Variants in SEM1 observed in about 807,000 individuals in gnomAD.
The protein encoded by SEM1 is SEM1 26S proteasome subunit, also known as 26S proteasome complex subunit SEM1.
SEM1 carries 3 observed loss-of-function variants against 12.7 expected under a neutral mutation model. The observed-to-expected ratio is 0.24, with a 90% CI of 0.11 to 0.61. The LOEUF (loss-of-function observed/expected upper bound fraction) is 0.61, where lower values mean the gene tolerates loss of function less well. Ranked by LOEUF, SEM1 falls within the 20% of genes least tolerant of loss-of-function variation. The pLI, the probability that SEM1 is intolerant of heterozygous loss-of-function variation, is 0.88. For synonymous variants in SEM1, 30 were observed against 27.8 expected (o/e 1.08, Z -0.25); for missense variants, 59 against 81.3 (o/e 0.73, Z 1.06).
chr7:96,589,150 T>G (rs1367910837), intron 2 of SEM1, among the ~76,000 whole-genome samples: 1 of 152,156 alleles, frequency 6.6e-6, no homozygotes, highest in Non-Finnish European at 1.5e-5. Flanking sequence ...GTTGACCTGG[T>G]CTCTCAGCTC....
At chr7:96,671,258 A>G (rs562297902), downstream of SEM1, among the ~76,000 whole-genome samples, 1 of 152,304 alleles carries the variant, frequency 6.6e-6, no homozygotes, top group Admixed American at 6.5e-5. Flanking sequence ...CAGCTGCATT[A>G]TGGGGTTTAA....
chr7:96,573,692 C>A (rs1274397696), intron 2 of SEM1, among the ~76,000 whole-genome samples: 1 of 152,092 alleles, frequency 6.6e-6, no homozygotes, highest in Non-Finnish European at 1.5e-5. Flanking sequence ...TCTGGCTGCC[C>A]TTAACATTTT....
chr7:96,597,590 AT>A (rs1807043459), intron 2 of SEM1, among the ~76,000 whole-genome samples: 2 of 151,790 alleles, frequency 1.3e-5, no homozygotes, highest in Non-Finnish European at 2.9e-5. Context: ...TCAGCTTGCA[AT>A]TTTTTTGGAC....
At chr7:96,635,241 G>A (rs562718722) in intron 2 of SEM1, among the ~76,000 whole-genome samples, 9 of 152,082 alleles carry the variant, frequency 5.9e-5, no homozygotes, top group Non-Finnish European at 1.0e-4. Context: ...AGACCAGGAT[G>A]GGGGTGGGTG....
intron 2 of SEM1, among the ~76,000 whole-genome samples, chr7:96,551,955 GC>G (rs1805292390): frequency 6.6e-6 from 1 of 152,048 alleles, no homozygotes; most frequent in Admixed American, 6.5e-5. Flanking sequence ...GTTGTTTTAC[GC>G]CACCTAATAT....
intron 2 of SEM1, among the ~76,000 whole-genome samples, chr7:96,485,536 C>CTTTTTTTTTTT (rs61088450): frequency 7.8e-5 from 6 of 76,704 alleles, no homozygotes; most frequent in Non-Finnish European, 1.2e-4. Context: ...TCTCTACATT[C>CTTTTTTTTTTT]TTTTTTTTTT....
At chr7:96,659,653 TG>T (rs1256874019) in intron 2 of SEM1, among the ~76,000 whole-genome samples, 1 of 151,856 alleles carries the variant, frequency 6.6e-6, no homozygotes, top group African/African-American at 2.4e-5. Context: ...GAAGAAAGAC[TG>T]ATTAGAATTA....
At chr7:96,496,865 A>T (rs1228960156), upstream of SEM1, among the ~76,000 whole-genome samples, 1 of 152,102 alleles carries the variant, frequency 6.6e-6, no homozygotes, top group Non-Finnish European at 1.5e-5. Flanking sequence ...TCATGGGTTT[A>T]TAATTCTCAG....
intron 2 of SEM1, among the ~76,000 whole-genome samples, chr7:96,646,734 A>G (rs73708376): frequency 0.025 from 3,867 of 152,272 alleles, 189 homozygotes; most frequent in African/African-American, 0.088. Context: ...CAATGGTGAT[A>G]TATACTTGAG....
intron 2 of SEM1, among the ~76,000 whole-genome samples, chr7:96,519,107 T>C (rs1271223807): frequency 6.6e-6 from 1 of 152,132 alleles, no homozygotes; most frequent in African/African-American, 2.4e-5. Flanking sequence ...ATATGAAAAC[T>C]GGCACCTAGA....
intron 2 of SEM1, among the ~76,000 whole-genome samples, chr7:96,529,228 A>T (rs771423241): frequency 6.6e-6 from 1 of 152,146 alleles, no homozygotes; most frequent in South Asian, 2.1e-4. Context: ...AGACAAAAGA[A>T]AAAAGAAAGG....
chr7:96,677,442 T>C (rs1789480477), intron 2 of SEM1, among the ~76,000 whole-genome samples: 1 of 152,214 alleles, frequency 6.6e-6, no homozygotes, highest in African/African-American at 2.4e-5. Context: ...TCACATATGA[T>C]AAATAATTAC....
chr7:96,676,112 C>G (rs969720084), intron 2 of SEM1, among the ~76,000 whole-genome samples: 1 of 152,158 alleles, frequency 6.6e-6, no homozygotes, highest in Non-Finnish European at 1.5e-5. Flanking sequence ...ATTCATGAGG[C>G]TAAATTATCC....
At chr7:96,541,214 A>G (rs1804935037) in intron 2 of SEM1, among the ~76,000 whole-genome samples, 1 of 151,890 alleles carries the variant, frequency 6.6e-6, no homozygotes, top group Admixed American at 6.6e-5. Context: ...CCAATAGTAT[A>G]TAAGCATTTC....
At chr7:96,622,273 A>G (rs1383579699), downstream of SEM1, 2 of 233,312 alleles carry the variant, frequency 8.6e-6, no homozygotes, top group Non-Finnish European at 1.7e-5. Flanking sequence ...ACATGGAAAA[A>G]AAAAATAAAA....
chr7:96,568,550 A>G (rs1361807057), intron 2 of SEM1, among the ~76,000 whole-genome samples: 2 of 150,734 alleles, frequency 1.3e-5, no homozygotes, highest in Admixed American at 6.6e-5. Context: ...TGAATGTTTA[A>G]TTTGTTCTTG....
chr7:96,692,250 TATCA>T (rs1246579316), intron 2 of SEM1, among the ~76,000 whole-genome samples: 13 of 152,334 alleles, frequency 8.5e-5, no homozygotes, highest in Admixed American at 6.5e-5. Context: ...TTCAACAATG[TATCA>T]ATCAGTTTTA....
intron 2 of SEM1, among the ~76,000 whole-genome samples, chr7:96,629,682 C>T (rs190888734): frequency 6.6e-6 from 1 of 152,214 alleles, no homozygotes; most frequent in East Asian, 1.9e-4. Context: ...CCTGGATGGT[C>T]ATGACACTTG....
chr7:96,684,950 G>A (rs575617379), downstream of SEM1, among the ~76,000 whole-genome samples: 128 of 152,036 alleles, frequency 8.4e-4, no homozygotes, highest in Non-Finnish European at 1.5e-3. Context: ...GAGTGCAATA[G>A]GAGCCATTAA....
Sources: allele counts gnomAD v4.1 joint callset (sites outside exome capture counted in the v4.1 genomes callset), GRCh38; gene constraint gnomAD v4.1.1; transcripts MANE v1.5; gene names NCBI Gene and HGNC (gene_info 2026-07-23, HGNC 2026-07-21).